The following RBFOX1 variants were observed in gnomAD, a reference collection of about 807,000 sequenced individuals.
RBFOX1 encodes RNA binding protein fox-1 homolog 1.
RBFOX1 carries 8 observed loss-of-function variants against 57.7 expected under a neutral mutation model. That is an observed-to-expected ratio of 0.14 (90% CI 0.08 to 0.25). RBFOX1 has a LOEUF of 0.25. Among genes scored for constraint, RBFOX1 ranks in the 10% least tolerant of loss-of-function variants. The pLI is 1.00. For missense variants in RBFOX1, 611 were observed against 548.5 expected (o/e 1.11, Z -1.14); for synonymous variants, 326 against 222.4 (o/e 1.47, Z -4.15).
intron 4 of RBFOX1, among the ~76,000 whole-genome samples, chr16:7,169,742 C>G (rs915624717): frequency 1.3e-5 from 2 of 152,124 alleles, no homozygotes; most frequent in Admixed American, 1.3e-4. Context: ...AATTCATCTG[C>G]CTTCTCCTCT....
At chr16:6,071,070 C>T (rs1446998040) in intron 1 of RBFOX1, among the ~76,000 whole-genome samples, 1 of 152,042 alleles carries the variant, frequency 6.6e-6, no homozygotes, top group Non-Finnish European at 1.5e-5. Flanking sequence ...TGCCTGTAAC[C>T]CCAGCACTTT....
intron 1 of RBFOX1, among the ~76,000 whole-genome samples, chr16:6,076,198 C>G (rs575660330): frequency 6.6e-6 from 1 of 152,024 alleles, no homozygotes; most frequent in African/African-American, 2.4e-5. Context: ...ACTCGGGAGG[C>G]TGAGGCAGGA....
Position 6,357,820 on chromosome 16 carries a change from G to A in RBFOX1, c.-64+40763G>A, listed in dbSNP as rs143382108. On this transcript the variant is annotated intron_variant, in intron 2 of 15. Transcript: ENST00000550418. ...ACAAAAATTAGCCGGGCGTGGTGGT[G>A]GGTGCCTGCAGTCCCAACTACTTGG... Among the ~76,000 whole-genome samples the A allele has an allele frequency of 1.4e-3, 219 of 152,046 alleles. 2 individuals carry two copies. In the East Asian group the frequency reaches 0.021, roughly 15 times the overall value.
At chr16:5,982,964 T>C (rs911833842) in intron 4 of RBFOX1, among the ~76,000 whole-genome samples, 4 of 152,164 alleles carry the variant, frequency 2.6e-5, no homozygotes, top group African/African-American at 4.8e-5. Flanking sequence ...AGATGTACCA[T>C]TGTCCAGTTA....
chr16:5,353,523 A>G (rs1294670607), intron 1 of RBFOX1, among the ~76,000 whole-genome samples: 2 of 151,990 alleles, frequency 1.3e-5, no homozygotes, highest in African/African-American at 4.8e-5. Flanking sequence ...CAAATGCAGG[A>G]TGGATTTATG....
intron 2 of RBFOX1, among the ~76,000 whole-genome samples, chr16:6,332,671 G>A (rs2083185239): frequency 1.3e-5 from 2 of 152,174 alleles, no homozygotes; most frequent in African/African-American, 4.8e-5. Context: ...CACATTAGGG[G>A]TTCTGGGAAC....
chr16:6,189,974 G>A (rs1044797981), intron 1 of RBFOX1, among the ~76,000 whole-genome samples: 1 of 152,124 alleles, frequency 6.6e-6, no homozygotes, highest in South Asian at 2.1e-4. Context: ...ATGTTTTCTT[G>A]TAGTAGTTTC....
At chr16:5,278,379 A>G (rs2063192075) in intron 1 of RBFOX1, among the ~76,000 whole-genome samples, 2 of 152,146 alleles carry the variant, frequency 1.3e-5, no homozygotes, top group South Asian at 2.1e-4. Context: ...CCATTTGTCA[A>G]TTTTTGCTTT....
chr16:6,663,672 G>C (rs2098714949), intron 3 of RBFOX1, among the ~76,000 whole-genome samples: 1 of 152,212 alleles, frequency 6.6e-6, no homozygotes, highest in African/African-American at 2.4e-5. Context: ...TTTCTTTTCT[G>C]TTTCCAATGT....
At chr16:6,799,743 C>T (rs7196625) in intron 3 of RBFOX1, among the ~76,000 whole-genome samples, 4 of 151,876 alleles carry the variant, frequency 2.6e-5, no homozygotes, top group African/African-American at 9.7e-5. Flanking sequence ...TTGCCCTTGA[C>T]CATCAGCCTC....
intron 3 of RBFOX1, among the ~76,000 whole-genome samples, chr16:6,862,790 G>C (rs1023673161): frequency 6.6e-6 from 1 of 152,098 alleles, no homozygotes; most frequent in Non-Finnish European, 1.5e-5. Flanking sequence ...TTGAAGATCA[G>C]CCTGGCCAAA....
chr16:6,562,880 C>CTTT (rs71145250), intron 2 of RBFOX1, among the ~76,000 whole-genome samples: 4,557 of 51,426 alleles, frequency 0.089, 579 homozygotes, highest in Middle Eastern at 0.14. Flanking sequence ...TTCTTTCTTT[C>CTTT]TTTTTTTTTT....
intron 3 of RBFOX1, among the ~76,000 whole-genome samples, chr16:6,689,451 C>T (rs1336534787): frequency 6.6e-6 from 1 of 152,100 alleles, no homozygotes; most frequent in African/African-American, 2.4e-5. Flanking sequence ...GTAATTTCTT[C>T]TCATGTGTTT....
chr16:6,904,599 T>TAA (rs71147623), intron 3 of RBFOX1, among the ~76,000 whole-genome samples: 1,839 of 63,884 alleles, frequency 0.029, 44 homozygotes, highest in East Asian at 0.046. Flanking sequence ...AGACTCTCTC[T>TAA]AAAAAAAAAA....
intron 2 of RBFOX1, among the ~76,000 whole-genome samples, chr16:6,444,443 C>G (rs1266882292): frequency 2.0e-5 from 3 of 152,102 alleles, no homozygotes; most frequent in Admixed American, 1.3e-4. Flanking sequence ...GGGAGTGGGT[C>G]TTTCTCATGC....
rs575562529 is a variant in RBFOX1 at position 6,209,569 on chromosome 16, A to C, written c.-126-107426A>C. 5.9e-5 allele frequency among the ~76,000 whole-genome samples: 9 copies of C among 152,360 alleles called. No homozygotes were observed. In the South Asian group the frequency reaches 8.3e-4, roughly 14 times the overall value. On this transcript the variant is annotated intron_variant, in intron 1 of 15. Transcript: ENST00000550418. The stretch of plus-strand genomic sequence containing the variant: ...TAATTAAGCAGTAAAAACTCTGACC[A>C]TACAGGTGGAATGAATGAATCCACC...
At chr16:5,909,822 C>T (rs879261180) in intron 4 of RBFOX1, among the ~76,000 whole-genome samples, 19 of 152,182 alleles carry the variant, frequency 1.2e-4, no homozygotes, top group East Asian at 5.8e-4. Flanking sequence ...GAGACCGCGG[C>T]GGGCAGATCA....
In RBFOX1 at chr16:6,634,106, C is replaced by T. The variant is rs139283361; in HGVS notation, c.-63-20497C>T. ...ACACACACATACACATACACATACA[C>T]ACAGACTATATCTATATTCTACTAT... On this transcript the variant is annotated intron_variant, in intron 2 of 15. Transcript: ENST00000550418. 7.4e-3 allele frequency among the ~76,000 whole-genome samples: 1,133 copies of T among 152,228 alleles called. 14 individuals are homozygous for T. Among genetic ancestry groups the T allele is most frequent in the African/African-American group, 0.026 (1,076 of 41,544 alleles).
rs187040740 is a variant in RBFOX1, at chr16:5,743,159, T to C, written c.319-124144T>C. 9.7e-4 allele frequency among the ~76,000 whole-genome samples: 148 copies of C among 152,298 alleles called. 1 individual carries two copies. Among genetic ancestry groups the C allele is most frequent in the Admixed American group, 1.6e-3 (25 of 15,296 alleles). On this transcript the variant is annotated intron_variant, in intron 3 of 19. Transcript: ENST00000641259. Reference sequence around the variant, plus strand: ...AAAGAACGAAAAAGGAGAGGAGATATATGGGTTACAGGTACATTTTCTATT... The same window carrying C: ...AAAGAACGAAAAAGGAGAGGAGATACATGGGTTACAGGTACATTTTCTATT...
Sources: allele counts gnomAD v4.1 joint callset (sites outside exome capture counted in the v4.1 genomes callset), GRCh38; gene constraint gnomAD v4.1.1; transcripts MANE v1.5; gene names NCBI Gene and HGNC (gene_info 2026-07-23, HGNC 2026-07-21).